CIZ1: variants seen among roughly 807,000 people sequenced by gnomAD.
CIZ1 encodes the protein cip1-interacting zinc finger protein.
CIZ1 carries 58 observed loss-of-function variants against 118.6 expected under a neutral mutation model. That is an observed-to-expected ratio of 0.49 (90% CI 0.40 to 0.61). The LOEUF (loss-of-function observed/expected upper bound fraction) is 0.61, where lower values mean the gene tolerates loss of function less well. Among genes scored for constraint, CIZ1 ranks in the 20% least tolerant of loss-of-function variants. The pLI is 0.00. For missense variants in CIZ1, 921 were observed against 1,115.9 expected (o/e 0.83, Z 2.49); for synonymous variants, 448 against 443.4 (o/e 1.01, Z -0.13).
chr9:128,191,757 C>T (rs1272680673), upstream of CIZ1: 4 of 1,401,732 alleles, frequency 2.9e-6, no homozygotes, highest in African/African-American at 3.0e-5. The surrounding 1 kb of genome is among the most constrained non-coding windows in gnomAD (Gnocchi z 5.5). Context: ...CTCCGCATCG[C>T]GAAGGGGAGG....
rs550112670 is a variant in CIZ1, at chr9:128,177,771, G to C, written c.1621-8C>G. On this transcript the variant is annotated splice_polypyrimidine_tract_variant and splice_region_variant and intron_variant, in intron 9 of 16. Coordinates refer to ENST00000372938, the MANE Select transcript of CIZ1 (RefSeq NM_001131016.2). The stretch of plus-strand genomic sequence containing the variant: ...GCCCCCGGCGCCCCATACCTGCATG[G>C]GGAGTAGGAACTGAACTTCCATCAA... The C allele has an allele frequency of 1.3e-6, 2 of 1,577,650 alleles. No homozygotes were observed. The highest frequency in any genetic ancestry group is 2.3e-5 in the South Asian group (2 of 86,030).
At chr9:128,174,812 C>T (rs925238727) in intron 11 of CIZ1, among the ~76,000 whole-genome samples, 1 of 152,176 alleles carries the variant, frequency 6.6e-6, no homozygotes, top group Non-Finnish European at 1.5e-5. Context: ...GCATGCACCA[C>T]CATGCCCAGC....
In CIZ1 at chr9:128,178,843, A is replaced by G. The variant is rs531041620; in HGVS notation, c.1364T>C (p.Val455Ala). The change falls in exon 8 of 17, where the codon GTA becomes GCA. Residue 455 changes from valine (V) to alanine (A), a missense_variant. Val to Ala is a moderately conservative substitution (Grantham distance 64). Transcript: ENST00000372938. ...CTCATGGGTCTGCTCTGGTGGCTGT[A>G]CTGACACCTGCGCTGGAGGATGCTC... ...PQEHPPAQVS[V>A]QPPEQTHEQP... is the part of the protein sequence containing the mutation. The G allele has an allele frequency of 1.1e-5, 17 of 1,614,202 alleles. No homozygotes were observed. The East Asian group carries it at 3.1e-4, about 30-fold the overall frequency.
Position 128,178,821 on chromosome 9 carries a change from A to G in CIZ1, c.1386T>C (p.His462=), listed in dbSNP as rs751590952. The G allele has an allele frequency of 6.2e-6, 10 of 1,614,012 alleles. No homozygotes were observed. In the Admixed American group the frequency reaches 6.7e-5, roughly 11 times the overall value. ...QVSVQPPEQT[H]EQPHTQPQVS... ...CCTGCGGCTGGGTGTGAGGCTGCTCATGGGTCTGCTCTGGTGGCTGTACTG... is the reference window on the plus strand; with the variant it reads ...CCTGCGGCTGGGTGTGAGGCTGCTCGTGGGTCTGCTCTGGTGGCTGTACTG... The change falls in exon 8 of 17, where the codon CAT becomes CAC. Residue 462 remains histidine (H), a synonymous_variant. Transcript: ENST00000372938.
At chr9:128,187,642 A>T (rs1401331366) in intron 4 of CIZ1, among the ~76,000 whole-genome samples, 1 of 152,212 alleles carries the variant, frequency 6.6e-6, no homozygotes, top group Non-Finnish European at 1.5e-5. Context: ...CCAGCTCTTA[A>T]AAACAATAAG....
At chr9:128,193,781 T>C (rs1470485025), upstream of CIZ1, among the ~76,000 whole-genome samples, 1 of 152,174 alleles carries the variant, frequency 6.6e-6, no homozygotes, top group Non-Finnish European at 1.5e-5. Flanking sequence ...GTGCTAGCGT[T>C]GGAGAGGTCC....
rs778061476 is a variant in CIZ1, at chr9:128,169,436, C to T, written c.2115G>A (p.Lys705=). 3 of 1,614,186 alleles carry T rather than the reference C, an allele frequency of 1.9e-6. No individual in the cohort carries two copies. In the South Asian group the frequency reaches 3.3e-5, roughly 18 times the overall value. The change falls in exon 13 of 17, where the codon AAG becomes AAA. Residue 705 remains lysine (K), a synonymous_variant. Transcript: ENST00000372938. ...TGGCTTTGTCCTTATGCCCCTGGGA[C>T]TTCACGTGCTCCACAAACTTGCGAG... ...KTPRKFVEHV[K]SQGHKDKAKE... is the part of the protein sequence containing the mutation.
chr9:128,191,458 T>C lies in CIZ1; in HGVS notation c.-32A>G. The C allele has an allele frequency of 1.0e-6, 1 of 980,500 alleles. No individual in the cohort carries two copies. The highest frequency in any genetic ancestry group is 1.2e-6 in the Non-Finnish European group (1 of 824,302). 60.7% of individuals were successfully genotyped at this position (980,500 alleles called of 1,614,324 possible). ...TCGCCTCCCCGCGCGCCCTCAACGCTCAAGTCGCCCCCACGGATGGGCCGG... is the reference window on the plus strand; with the variant it reads ...TCGCCTCCCCGCGCGCCCTCAACGCCCAAGTCGCCCCCACGGATGGGCCGG... On this transcript the variant is annotated 5_prime_UTR_variant, in exon 1 of 17. Coordinates refer to ENST00000372938, the MANE Select transcript of CIZ1 (RefSeq NM_001131016.2). This position sits in a 1 kb window ranked among gnomAD's most constrained non-coding sequence, Gnocchi z 5.5.
upstream of CIZ1, among the ~76,000 whole-genome samples, chr9:128,194,992 A>T (rs1564308438): frequency 6.7e-6 from 1 of 149,822 alleles, no homozygotes; most frequent in African/African-American, 2.5e-5. Flanking sequence ...AAATTTTTGT[A>T]TTTTTTTTTT....
intron 11 of CIZ1, among the ~76,000 whole-genome samples, chr9:128,171,158 G>T (rs548053058): frequency 6.6e-6 from 1 of 152,050 alleles, no homozygotes; most frequent in Non-Finnish European, 1.5e-5. Flanking sequence ...GGGGCCAGTC[G>T]CAGTGGCTCA....
At chr9:128,173,685 C>T (rs1159110241) in intron 11 of CIZ1, among the ~76,000 whole-genome samples, 2 of 152,116 alleles carry the variant, frequency 1.3e-5, no homozygotes, top group African/African-American at 4.8e-5. Flanking sequence ...ACACCTTGTG[C>T]CAGTGTCACG....
Position 128,180,536 on chromosome 9 carries a change from C to A in CIZ1, c.683-13G>T, listed in dbSNP as rs776729121. The A allele has an allele frequency of 5.6e-6, 9 of 1,606,332 alleles. No individual in the cohort carries two copies. Among genetic ancestry groups the A allele is most frequent in the African/African-American group, 1.3e-5 (1 of 74,670 alleles). On this transcript the variant is annotated splice_polypyrimidine_tract_variant and intron_variant, in intron 6 of 16. Coordinates refer to ENST00000372938, the MANE Select transcript of CIZ1 (RefSeq NM_001131016.2). ...GGTAAATCTTGGTCTGGAATGGAGG[C>A]ATGAGCGAGGGAACTCATGTTGGGA...
chr9:128,177,528 G>GCCCCCCCCCCCCCCCCCCCAATA, intron 10 of CIZ1, 38 bp downstream of exon 10: 1 of 1,164,646 alleles, frequency 8.6e-7, no homozygotes, highest in East Asian at 2.9e-5. Flanking sequence ...TTCCACGCAG[G>GCCCCCCCCCCCCCCCCCCCAATA]CCCCACCCCT....
upstream of CIZ1, among the ~76,000 whole-genome samples, chr9:128,194,036 C>T (rs552005396): frequency 2.6e-5 from 4 of 152,280 alleles, no homozygotes; most frequent in East Asian, 7.7e-4. Context: ...TGTGTTGGTT[C>T]ATCTTTCTGG....
At chr9:128,176,657 C>T (rs1163636674) in intron 10 of CIZ1, among the ~76,000 whole-genome samples, 182 bp from the exon 11 acceptor site, 3 of 152,188 alleles carry the variant, frequency 2.0e-5, no homozygotes, top group South Asian at 2.1e-4. Context: ...CATGCCAGCC[C>T]GAGCTTCTGC....
chr9:128,179,944 T>A (rs1445815906), intron 7 of CIZ1, among the ~76,000 whole-genome samples: 1 of 152,156 alleles, frequency 6.6e-6, no homozygotes, highest in African/African-American at 2.4e-5. Context: ...AGTGCTGGGA[T>A]TACAGGTGTG....
Position 128,178,488 on chromosome 9 carries a change from T to C in CIZ1, c.1501A>G (p.Met501Val). ...PPDAVEAGGG[M>V]EKTLPEPVGT... ...ACAGGCTCTGGCAAGGTCTTTTCCATGCCTGAAATGACAGATGTGCTGTAT... is the reference window on the plus strand; with the variant it reads ...ACAGGCTCTGGCAAGGTCTTTTCCACGCCTGAAATGACAGATGTGCTGTAT... The change falls in exon 9 of 17, where the codon ATG becomes GTG. Residue 501 changes from methionine to valine, a missense_variant and splice_region_variant. Physicochemically the swap from Met to Val is conservative, Grantham distance 21. Transcript: ENST00000372938. 1 of 1,614,184 alleles carries C rather than the reference T, an allele frequency of 6.2e-7. No homozygotes were observed. Among genetic ancestry groups the C allele is most frequent in the Non-Finnish European group, 8.5e-7 (1 of 1,180,024 alleles).
intron 12 of CIZ1, chr9:128,169,804 G>T: frequency 1.6e-6 from 2 of 1,258,934 alleles, no homozygotes; most frequent in Non-Finnish European, 2.2e-6. Flanking sequence ...CCCCGTGGCT[G>T]AATGGCAGGT....
At position 128,197,743 on chromosome 9, in the gene CIZ1, T is replaced by C. The variant is rs537130754; in HGVS notation, c.-6+6443A>G. On this transcript the variant is annotated intron_variant, in intron 1 of 17. Transcript: ENST00000372948. ...CTACCTTCGCAACACCGGAGAAGTT[T>C]CTTTGGACAGTGCAATGGTGATGAT... is the stretch of plus-strand genomic sequence containing the variant. 3 of 152,388 alleles carry C rather than the reference T, an allele frequency of 2.0e-5. No individual in the cohort carries two copies. In the East Asian group the frequency reaches 5.8e-4, roughly 29 times the overall value. The allele number at this position is 152,388 out of a possible 1,614,324, so 9.4% of individuals were successfully genotyped here. A position where few individuals can be genotyped will look rare whatever the true frequency, so the allele number is the denominator to read the frequency against.
Sources: gnomAD v4.1 joint callset for allele counts (sites outside exome capture counted in the v4.1 genomes callset) on GRCh38, gnomAD v4.1.1 for gene constraint, Gnocchi (gnomAD v3.1) non-coding constraint, MANE v1.5 for transcripts, NCBI Gene and HGNC (gene_info 2026-07-23, HGNC 2026-07-21) for gene names.